SEMA6D: variants seen among roughly 807,000 people sequenced by gnomAD.
SEMA6D encodes the protein semaphorin-6D.
A neutral mutation model predicts 106.6 loss-of-function variants in SEMA6D; 35 were observed. That is an observed-to-expected ratio of 0.33 (90% CI 0.25 to 0.44). The LOEUF (loss-of-function observed/expected upper bound fraction) is 0.44. Among genes scored for constraint, SEMA6D ranks in the 20% least tolerant of loss-of-function variants. The pLI is 1.00. For missense variants in SEMA6D, 1,185 were observed against 1,345.9 expected, an observed-to-expected ratio of 0.88 and a Z score of 1.87; for synonymous variants, 499 against 487.7, an observed-to-expected ratio of 1.02 and a Z score of -0.31.
chr15:47,771,354 TC>T lies in SEMA6D; in HGVS notation c.2795del (p.Pro932LeufsTer24). ...KVPNREASLYSPPSTLPRNSP... is the reference protein window; with the variant it reads ...KVPNREASLYXPPSTLPRNSP... Reference sequence around the variant, plus strand: ...CCCTAACCGGGAGGCATCGCTATACTCCCCTCCTTCAACTCTCCCCAGAAAT... The same window carrying T: ...CCCTAACCGGGAGGCATCGCTATACTCCCTCCTTCAACTCTCCCCAGAAAT... On this transcript the variant is annotated frameshift_variant, in exon 19 of 19. Coordinates refer to ENST00000536845, the MANE Select transcript of SEMA6D (RefSeq NM_001358351.3). LOFTEE classifies it high-confidence loss of function. The T allele has an allele frequency of 6.2e-7, 1 of 1,613,828 alleles. No homozygotes were observed. The highest frequency in any genetic ancestry group is 8.5e-7 in the Non-Finnish European group (1 of 1,179,948).
intron 1 of SEMA6D, among the ~76,000 whole-genome samples, chr15:47,366,172 C>T (rs1469485291): frequency 1.3e-5 from 2 of 152,208 alleles, no homozygotes; most frequent in African/African-American, 2.4e-5. Flanking sequence ...ATACATAGTA[C>T]ATGCCCTGTG....
At chr15:47,423,760 A>G (rs1230627817) in intron 2 of SEMA6D, among the ~76,000 whole-genome samples, 1 of 152,054 alleles carries the variant, frequency 6.6e-6, no homozygotes, top group African/African-American at 2.4e-5. Context: ...AGCAAGCTCT[A>G]ATTTTATTCT....
chr15:47,476,612 A>G (rs2043007532), intron 3 of SEMA6D, among the ~76,000 whole-genome samples: 1 of 152,146 alleles, frequency 6.6e-6, no homozygotes, highest in Non-Finnish European at 1.5e-5. Context: ...ATAAAAGCCT[A>G]AAATTGTTTA....
chr15:47,754,233 A>T (rs1163131186), intron 1 of SEMA6D, among the ~76,000 whole-genome samples: 1 of 152,200 alleles, frequency 6.6e-6, no homozygotes, highest in Admixed American at 6.5e-5. Context: ...CTCTACTAAA[A>T]ATACAAAATA....
At chr15:47,449,615 C>T (rs1485369173) in intron 2 of SEMA6D, among the ~76,000 whole-genome samples, 4 of 152,122 alleles carry the variant, frequency 2.6e-5, no homozygotes, top group Non-Finnish European at 4.4e-5. Flanking sequence ...AAAAGTATCC[C>T]GAGCTTCTCA....
At chr15:47,211,375 G>A (rs1005293596) in intron 1 of SEMA6D, among the ~76,000 whole-genome samples, 2 of 152,108 alleles carry the variant, frequency 1.3e-5, no homozygotes, top group Non-Finnish European at 2.9e-5. Context: ...ATTAATCAAT[G>A]GGGACAGTTT....
chr15:47,736,556 G>A (rs780118649), intron 1 of SEMA6D, among the ~76,000 whole-genome samples: 2 of 152,114 alleles, frequency 1.3e-5, no homozygotes, highest in African/African-American at 2.4e-5. Flanking sequence ...TTAGTTTGTC[G>A]CTTATTTGGA....
intron 4 of SEMA6D, among the ~76,000 whole-genome samples, chr15:47,679,162 A>G (rs1030107580): frequency 2.6e-5 from 4 of 152,150 alleles, no homozygotes; most frequent in Non-Finnish European, 4.4e-5. Flanking sequence ...TATACTACAG[A>G]TATGTATTTT....
At chr15:47,658,195 A>G (rs535478308) in intron 4 of SEMA6D, among the ~76,000 whole-genome samples, 1 of 152,282 alleles carries the variant, frequency 6.6e-6, no homozygotes, top group African/African-American at 2.4e-5. Context: ...AAGATGTTAA[A>G]TTTTATCCAA....
chr15:47,373,161 T>C (rs2039335312), intron 1 of SEMA6D, among the ~76,000 whole-genome samples: 2 of 152,190 alleles, frequency 1.3e-5, no homozygotes, highest in African/African-American at 4.8e-5. Context: ...TAACCAGGGA[T>C]ATGTGACTAT....
chr15:47,721,886 C>T (rs1289827105), intron 1 of SEMA6D, among the ~76,000 whole-genome samples: 2 of 152,086 alleles, frequency 1.3e-5, no homozygotes, highest in Admixed American at 1.3e-4. Flanking sequence ...ATCCATCATC[C>T]TGTCCTTGGC....
At chr15:47,355,303 T>A (rs1274811244) in intron 1 of SEMA6D, among the ~76,000 whole-genome samples, 1 of 152,208 alleles carries the variant, frequency 6.6e-6, no homozygotes, top group Non-Finnish European at 1.5e-5. Flanking sequence ...AAGAAAATAG[T>A]ACATGCAGAT....
chr15:47,708,834 G>A (rs2078962595), intron 4 of SEMA6D, among the ~76,000 whole-genome samples: 1 of 152,214 alleles, frequency 6.6e-6, no homozygotes, highest in South Asian at 2.1e-4. Flanking sequence ...CAAGTTCAAG[G>A]TCTGGCTCTG....
At chr15:47,287,551 T>A (rs1247263780) in intron 1 of SEMA6D, among the ~76,000 whole-genome samples, 67 of 152,282 alleles carry the variant, frequency 4.4e-4, no homozygotes, top group African/African-American at 1.6e-3. Flanking sequence ...AAAAGGCAAA[T>A]GGAAGTCAAA....
At chr15:47,329,958 T>C (rs1232921893) in intron 1 of SEMA6D, among the ~76,000 whole-genome samples, 2 of 152,174 alleles carry the variant, frequency 1.3e-5, no homozygotes, top group African/African-American at 4.8e-5. Context: ...GGCTGCACAC[T>C]TGGTAAGGTG....
intron 3 of SEMA6D, among the ~76,000 whole-genome samples, chr15:47,499,701 T>C (rs181527188): frequency 2.2e-4 from 33 of 152,208 alleles, no homozygotes; most frequent in Admixed American, 1.8e-3. Flanking sequence ...GTTTCTTAGA[T>C]GGAAACAAAA....
chr15:47,715,078 A>C (rs930506792), upstream of SEMA6D, among the ~76,000 whole-genome samples: 1 of 152,196 alleles, frequency 6.6e-6, no homozygotes, highest in African/African-American at 2.4e-5. Flanking sequence ...GGATGAGGCA[A>C]GTTTTGACAT....
chr15:47,761,652 C>T lies in SEMA6D; in HGVS notation c.448-9C>T. On this transcript the variant is annotated splice_polypyrimidine_tract_variant and intron_variant, in intron 6 of 18. Coordinates refer to ENST00000536845, the MANE Select transcript of SEMA6D (RefSeq NM_001358351.3). ...GATATGACACTGGCTATTTACTTTT[C>T]TTTTGTAGTTGAGTACCTTAGAATA... 6.2e-7 allele frequency: 1 copy of T among 1,603,706 alleles called. No homozygotes were observed. The highest frequency in any genetic ancestry group is 8.5e-7 in the Non-Finnish European group (1 of 1,174,134).
At position 47,540,561 on chromosome 15, in the gene SEMA6D, G is replaced by A. The variant is rs923302615; in HGVS notation, c.-86-60304G>A. On this transcript the variant is annotated intron_variant, in intron 3 of 19. Transcript: ENST00000558014. ...CAGGCAGGCTGTTCTTAGCCAGTAT[G>A]CACCAGACGGAGGAACTGGATGTGT... Among the ~76,000 whole-genome samples, 5 of 152,154 alleles carry A rather than the reference G, an allele frequency of 3.3e-5. No homozygotes were observed. The East Asian group carries it at 9.6e-4, about 29-fold the overall frequency.
Sources: gnomAD v4.1 joint callset for allele counts (sites outside exome capture counted in the v4.1 genomes callset) on GRCh38, gnomAD v4.1.1 for gene constraint, MANE v1.5 for transcripts, NCBI Gene and HGNC (gene_info 2026-07-23, HGNC 2026-07-21) for gene names.